The following CNTN3 variants were observed in gnomAD, a reference collection of about 807,000 sequenced individuals.
CNTN3 encodes contactin-3.
In CNTN3, 60 loss-of-function variants were observed where a neutral mutation model predicts 119.1. The ratio of observed to expected loss-of-function variants is 0.50; its 90% CI spans 0.41 to 0.62. CNTN3 has a LOEUF of 0.62. Among genes scored for constraint, CNTN3 ranks in the 20% least tolerant of loss-of-function variants. The pLI is 0.00. For synonymous variants in CNTN3, 450 were observed against 438.7 expected, an observed-to-expected ratio of 1.03 and a Z score of -0.32; for missense variants, 1,101 against 1,242.4, an observed-to-expected ratio of 0.89 and a Z score of 1.71.
chr3:74,294,143 C>T (rs1231098741), intron 19 of CNTN3, among the ~76,000 whole-genome samples: 1 of 152,102 alleles, frequency 6.6e-6, no homozygotes, highest in Admixed American at 6.6e-5. Context: ...TCAGGAGTTA[C>T]ATGCTTCCTC....
chr3:74,528,863 T>C (rs1015165135), intron 1 of CNTN3, among the ~76,000 whole-genome samples: 10 of 151,890 alleles, frequency 6.6e-5, no homozygotes, highest in South Asian at 2.1e-4. Context: ...TTCAAGCACA[T>C]GCACTGCAGT....
At position 74,538,180 on chromosome 3, in the gene CNTN3, T is replaced by C. The variant is rs527662904; in HGVS notation, c.-80-16988A>G. ...CTGAGCTGATGAGTTGCATTTGAGA[T>C]CCCTAACACCCAACTACAGTGAGGC... is the stretch of plus-strand genomic sequence containing the variant. On this transcript the variant is annotated intron_variant, in intron 1 of 22. Coordinates refer to ENST00000263665, the MANE Select transcript of CNTN3 (RefSeq NM_020872.3). Among the ~76,000 whole-genome samples the C allele has an allele frequency of 1.3e-4, 20 of 152,172 alleles. No homozygotes were observed. In the East Asian group the frequency reaches 3.9e-3, roughly 29 times the overall value.
chr3:74,290,796 A>T (rs1399996195), intron 19 of CNTN3, among the ~76,000 whole-genome samples: 1 of 151,982 alleles, frequency 6.6e-6, no homozygotes, highest in African/African-American at 2.4e-5. Flanking sequence ...GGTTCATGCC[A>T]TTCTCCTGCC....
At chr3:74,535,433 A>G (rs1703750307) in intron 1 of CNTN3, among the ~76,000 whole-genome samples, 1 of 152,140 alleles carries the variant, frequency 6.6e-6, no homozygotes. Flanking sequence ...GTTTTTATAC[A>G]AATAGCAATG....
At chr3:74,552,099 G>C (rs1704001093) in intron 1 of CNTN3, among the ~76,000 whole-genome samples, 1 of 151,846 alleles carries the variant, frequency 6.6e-6, no homozygotes, top group South Asian at 2.1e-4. Context: ...AAGCATTTAA[G>C]GTTTCTCCAT....
intron 8 of CNTN3, among the ~76,000 whole-genome samples, chr3:74,367,034 C>A (rs1178917957): frequency 6.7e-6 from 1 of 150,166 alleles, no homozygotes; most frequent in Non-Finnish European, 1.5e-5. Flanking sequence ...ATTCGCTGGA[C>A]TAAAAAATCC....
chr3:74,486,619 A>C lies in CNTN3; in HGVS notation c.195T>G (p.Asn65Lys), dbSNP rs1470788242. Residue 65 changes from asparagine (N) to lysine (K), a missense_variant, in exon 4 of 23, where the codon AAT (asparagine) becomes AAG (lysine). By Grantham distance (94) the Asn-to-Lys change is moderately conservative (BLOSUM62 0). Transcript: ENST00000263665. ...CCATACTCATATCAATATCACTTCC[A>C]TTCAGCTGCCATCTGTAAAACAAAT... ...NPSPHYRWQL[N>K]GSDIDMSMEH... is the part of the protein sequence containing the mutation. 1 of 1,553,510 alleles carries C rather than the reference A, an allele frequency of 6.4e-7. No homozygotes were observed. Among genetic ancestry groups the C allele is most frequent in the African/African-American group, 1.4e-5 (1 of 71,542 alleles).
chr3:74,340,495 T>C (rs979241753), intron 11 of CNTN3, among the ~76,000 whole-genome samples: 4 of 152,070 alleles, frequency 2.6e-5, no homozygotes, highest in African/African-American at 9.7e-5. Flanking sequence ...CCAACCCATC[T>C]GATCGCTAAT....
At chr3:74,287,849 C>A (rs1364340675) in intron 19 of CNTN3, among the ~76,000 whole-genome samples, 4 of 152,162 alleles carry the variant, frequency 2.6e-5, no homozygotes, top group African/African-American at 9.6e-5. Context: ...GAATACAGCA[C>A]CATTTAGGCA....
At chr3:74,490,698 C>T (rs1273490827) in intron 3 of CNTN3, among the ~76,000 whole-genome samples, 1 of 152,164 alleles carries the variant, frequency 6.6e-6, no homozygotes, top group Non-Finnish European at 1.5e-5. Flanking sequence ...ACGCTTCTCA[C>T]TTCCTTTAGT....
At chr3:74,309,926 CAT>C (rs1365616978) in intron 13 of CNTN3, among the ~76,000 whole-genome samples, 2 of 152,176 alleles carry the variant, frequency 1.3e-5, no homozygotes, top group Non-Finnish European at 2.9e-5. Context: ...GTGTGCTCAT[CAT>C]AATTTTAAAA....
intron 11 of CNTN3, among the ~76,000 whole-genome samples, chr3:74,352,828 A>T (rs557646932): frequency 6.6e-6 from 1 of 152,188 alleles, no homozygotes; most frequent in South Asian, 2.1e-4. Context: ...CAAAAGCAAA[A>T]GACTCACTGA....
chr3:74,319,704 G>T (rs752522989), intron 13 of CNTN3, among the ~76,000 whole-genome samples: 1 of 151,208 alleles, frequency 6.6e-6, no homozygotes, highest in Non-Finnish European at 1.5e-5. Flanking sequence ...CACAGCAAAA[G>T]AAACTACCAT....
At chr3:74,507,148 C>T (rs1703276256) in intron 2 of CNTN3, among the ~76,000 whole-genome samples, 1 of 152,218 alleles carries the variant, frequency 6.6e-6, no homozygotes, top group South Asian at 2.1e-4. Flanking sequence ...GCCTGGTGTG[C>T]TGGCTCACAT....
intron 1 of CNTN3, among the ~76,000 whole-genome samples, chr3:74,574,563 C>T (rs1158461144): frequency 6.6e-6 from 1 of 152,150 alleles, no homozygotes; most frequent in Non-Finnish European, 1.5e-5. Flanking sequence ...TCTAGGTTTG[C>T]TCTCAATGGT....
At chr3:74,586,344 T>G (rs1480696250) in intron 1 of CNTN3, among the ~76,000 whole-genome samples, 1 of 152,154 alleles carries the variant, frequency 6.6e-6, no homozygotes, top group Non-Finnish European at 1.5e-5. Flanking sequence ...AAATATACAT[T>G]GTACCCTATA....
At chr3:74,552,827 T>G (rs909064563) in intron 1 of CNTN3, among the ~76,000 whole-genome samples, 33 of 152,148 alleles carry the variant, frequency 2.2e-4, no homozygotes, top group African/African-American at 8.0e-4. Flanking sequence ...AAGCTCTCTC[T>G]CCCTCCTGCT....
intron 13 of CNTN3, among the ~76,000 whole-genome samples, chr3:74,317,247 G>A (rs1351562710): frequency 2.0e-5 from 3 of 149,896 alleles, no homozygotes; most frequent in Non-Finnish European, 4.4e-5. Context: ...ATGTGAGATG[G>A]GTTTCCTGAA....
chr3:74,521,167 C>T lies in CNTN3; in HGVS notation c.-55G>A, dbSNP rs1350307342. ...TGTCCAGTCTCTGATGAATAGAATGCTTTCTCTTCAGGTAAATCCTTTAAT... is the reference window on the plus strand; with the variant it reads ...TGTCCAGTCTCTGATGAATAGAATGTTTTCTCTTCAGGTAAATCCTTTAAT... On this transcript the variant is annotated 5_prime_UTR_variant, in exon 2 of 23. Transcript: ENST00000263665. 3.9e-6 allele frequency: 4 copies of T among 1,030,814 alleles called. No homozygotes were observed. Among genetic ancestry groups the T allele is most frequent in the Non-Finnish European group, 2.9e-6 (2 of 695,600 alleles). The allele number at this position is 1,030,814 out of a possible 1,614,324, so 63.9% of individuals were successfully genotyped here.
Sources: gnomAD v4.1 joint callset for allele counts (sites outside exome capture counted in the v4.1 genomes callset) on GRCh38, gnomAD v4.1.1 for gene constraint, MANE v1.5 for transcripts, NCBI Gene and HGNC (gene_info 2026-07-23, HGNC 2026-07-21) for gene names.